The following KIF26B variants were observed in gnomAD, a reference collection of about 807,000 sequenced individuals.
KIF26B encodes the protein kinesin-like protein KIF26B.
Under a neutral mutation model 151.2 loss-of-function variants are expected in KIF26B, and 63 were observed. That is an observed-to-expected ratio of 0.42 (90% CI 0.34 to 0.51). The LOEUF is 0.51. Ranked by LOEUF, KIF26B falls within the 20% of genes least tolerant of loss-of-function variation. The pLI, the probability that KIF26B is intolerant of heterozygous loss-of-function variation, is 0.07. For missense variants in KIF26B, 2,813 were observed against 2,913.6 expected (o/e 0.97, Z 0.79); for synonymous variants, 1,357 against 1,262.1 (o/e 1.08, Z -1.59).
chr1:245,230,162 A>AG (rs1467694703), intron 2 of KIF26B, among the ~76,000 whole-genome samples: 1 of 151,854 alleles, frequency 6.6e-6, no homozygotes, highest in African/African-American at 2.4e-5. Flanking sequence ...AGCAAAAAAA[A>AG]AAAAACAACA....
At chr1:245,238,890 A>G (rs1670162437) in intron 2 of KIF26B, among the ~76,000 whole-genome samples, 1 of 152,044 alleles carries the variant, frequency 6.6e-6, no homozygotes, top group African/African-American at 2.4e-5. Context: ...AAAAACCCCA[A>G]TTGATCTAAA....
Position 245,687,273 on chromosome 1 carries a change from T to C in KIF26B, c.4290T>C (p.Ser1430=), listed in dbSNP as rs886910888. The C allele has an allele frequency of 1.2e-6, 2 of 1,608,964 alleles. No homozygotes were observed. The highest frequency in any genetic ancestry group is 1.7e-6 in the Non-Finnish European group (2 of 1,178,800). ...LAQSRESKEN[S]AKKEMKFEDP... Reference sequence around the variant, plus strand: ...AGTCCCGGGAGAGTAAGGAAAACAGTGCAAAGAAAGAGATGAAATTTGAGG... The same window carrying C: ...AGTCCCGGGAGAGTAAGGAAAACAGCGCAAAGAAAGAGATGAAATTTGAGG... Residue 1430 remains serine, a synonymous_variant, in exon 12 of 15, where the codon AGT becomes AGC. Transcript: ENST00000407071. This position sits in a 1 kb window ranked among gnomAD's most constrained non-coding sequence, Gnocchi z 4.9.
chr1:245,301,660 C>G lies in KIF26B; in HGVS notation c.466-65174C>G, dbSNP rs142367968. Among the ~76,000 whole-genome samples, 606 of 152,262 alleles carry G rather than the reference C, an allele frequency of 4.0e-3. 6 individuals carry two copies. The highest frequency in any genetic ancestry group is 0.014 in the African/African-American group (580 of 41,538). On this transcript the variant is annotated intron_variant, in intron 2 of 14. Transcript: ENST00000407071. ...GATGGGCTTTGTTCTCTGAAGCCCGCATCAGAGAGCTCTTCAGAAGAGAGG... is the reference window on the plus strand; with the variant it reads ...GATGGGCTTTGTTCTCTGAAGCCCGGATCAGAGAGCTCTTCAGAAGAGAGG...
chr1:245,386,869 G>A (rs890300955), intron 3 of KIF26B, among the ~76,000 whole-genome samples: 3 of 152,114 alleles, frequency 2.0e-5, no homozygotes, highest in East Asian at 1.9e-4. Context: ...ACGTGCCAGC[G>A]GGGAGTAAAG....
chr1:245,184,044 G>GTTTTTTTTTTTTTTTTTTTTTTTTTT, intron 2 of KIF26B, among the ~76,000 whole-genome samples: 1 of 3,466 alleles, frequency 2.9e-4, no homozygotes, highest in East Asian at 7.8e-3. Flanking sequence ...ATGGGTGGGA[G>GTTTTTTTTTTTTTTTTTTTTTTTTTT]TTGTTGTTTT....
At chr1:245,586,754 CG>C (rs372069735) in intron 5 of KIF26B, among the ~76,000 whole-genome samples, 1,608 of 151,854 alleles carry the variant, frequency 0.011, 25 homozygotes, top group African/African-American at 0.036. Flanking sequence ...GGCGCGGTGG[CG>C]GGCGCCTGTA....
At position 245,560,537 on chromosome 1, in the gene KIF26B, GA is replaced by G. The variant is rs1450798158; in HGVS notation, c.1350+19595del. Among the ~76,000 whole-genome samples, 1 of 151,812 alleles carries G rather than the reference GA, an allele frequency of 6.6e-6. No homozygotes were observed. The highest frequency in any genetic ancestry group is 1.5e-5 in the Non-Finnish European group (1 of 67,962). The stretch of plus-strand genomic sequence containing the variant: ...ATACTCTCGGTTCCTAATTATGTTA[GA>G]AAAAAAAGCAAAGCGGGAACTTGGC... On this transcript the variant is annotated intron_variant, in intron 5 of 14. Transcript: ENST00000407071. This position sits in a 1 kb window ranked among gnomAD's most constrained non-coding sequence, Gnocchi z 4.3.
intron 2 of KIF26B, among the ~76,000 whole-genome samples, chr1:245,199,722 A>G (rs1186217799): frequency 1.3e-5 from 2 of 151,984 alleles, no homozygotes; most frequent in East Asian, 3.9e-4. Flanking sequence ...GGCCTTAAGA[A>G]ATCTGTCTGC....
At chr1:245,337,486 AT>A (rs1162062816) in intron 2 of KIF26B, among the ~76,000 whole-genome samples, 1 of 151,154 alleles carries the variant, frequency 6.6e-6, no homozygotes, top group Non-Finnish European at 1.5e-5. Flanking sequence ...CTGGCCATTC[AT>A]TTAGCCTGGT....
rs186583666 is a variant in KIF26B at position 245,656,956 on chromosome 1, C to T, written c.2258+10676C>T. On this transcript the variant is annotated intron_variant, in intron 10 of 14. Coordinates refer to ENST00000407071, the MANE Select transcript of KIF26B (RefSeq NM_018012.4). ...GTACCTAGTAATTTTGTAACTAAAA[C>T]AGAGCTGAATTTCATTTTGATATAA... Among the ~76,000 whole-genome samples the T allele has an allele frequency of 1.3e-3, 202 of 152,222 alleles. 1 individual carries two copies. The highest frequency in any genetic ancestry group is 0.01 in the Middle Eastern group (3 of 294).
intron 9 of KIF26B, among the ~76,000 whole-genome samples, chr1:245,636,505 A>G (rs2043835686): frequency 6.6e-6 from 1 of 152,114 alleles, no homozygotes; most frequent in Admixed American, 6.6e-5. Context: ...TGGGATATTC[A>G]TCACCTCAAA....
chr1:245,436,477 A>G (rs527320826), intron 4 of KIF26B, among the ~76,000 whole-genome samples: 2 of 152,328 alleles, frequency 1.3e-5, no homozygotes, highest in East Asian at 3.9e-4. Context: ...GTGCAAAGCT[A>G]AAGAGCTGAC....
At chr1:245,580,406 A>T (rs572882705) in intron 5 of KIF26B, among the ~76,000 whole-genome samples, 12 of 152,334 alleles carry the variant, frequency 7.9e-5, no homozygotes, top group South Asian at 6.2e-4. Context: ...CCACACTTAG[A>T]TCGGGACTAT....
At chr1:245,660,510 A>T (rs889428545) in intron 10 of KIF26B, among the ~76,000 whole-genome samples, 6 of 150,216 alleles carry the variant, frequency 4.0e-5, no homozygotes, top group South Asian at 4.2e-4. Context: ...GTTAATTTTT[A>T]AAAATTTTTT....
In KIF26B at chr1:245,156,501, A is replaced by G. The variant is rs1020746679; in HGVS notation, c.283A>G (p.Ser95Gly). ...ACCCGCCTCCCCCGGCATCGGCACT[A>G]GTTCGCCGGGCTCCTTGGGCGGCTC... The part of the protein sequence containing the change: ...PGPASPGIGT[S>G]SPGSLGGSPG... Residue 95 changes from serine (S) to glycine (G), a missense_variant, in exon 2 of 15, where the codon AGT becomes GGT. Physicochemically the swap from Ser to Gly is moderately conservative, Grantham distance 56. Coordinates refer to ENST00000407071, the MANE Select transcript of KIF26B (RefSeq NM_018012.4). The G allele has an allele frequency of 7.9e-6, 12 of 1,527,392 alleles. No individual in the cohort carries two copies. The highest frequency in any genetic ancestry group is 1.1e-5 in the Non-Finnish European group (12 of 1,140,474). 94.6% of individuals were successfully genotyped at this position (1,527,392 alleles called of 1,614,324 possible).
Position 245,647,904 on chromosome 1 carries a change from G to A in KIF26B, c.2258+1624G>A, listed in dbSNP as rs139640709. On this transcript the variant is annotated intron_variant, in intron 10 of 14. Transcript: ENST00000407071. ...GGATAAACCCAGAAATGGTTTTCCC[G>A]GCTCTTGTAACAACCCTTTTCTATG... Among the ~76,000 whole-genome samples, 999 of 152,206 alleles carry A rather than the reference G, an allele frequency of 6.6e-3. 16 individuals carry two copies. Among genetic ancestry groups the A allele is most frequent in the African/African-American group, 0.023 (950 of 41,518 alleles).
At chr1:245,666,432 A>T (rs1258174654) in intron 10 of KIF26B, among the ~76,000 whole-genome samples, 3 of 152,196 alleles carry the variant, frequency 2.0e-5, no homozygotes, top group African/African-American at 7.2e-5. Flanking sequence ...GGTGATAGGC[A>T]TACACTGAGA....
At chr1:245,223,566 A>T (rs1394485153) in intron 2 of KIF26B, among the ~76,000 whole-genome samples, 1 of 152,200 alleles carries the variant, frequency 6.6e-6, no homozygotes, top group Admixed American at 6.5e-5. Flanking sequence ...CCACCATAGA[A>T]AAAAGTTAGA....
At chr1:245,319,143 A>T (rs1671836202) in intron 2 of KIF26B, among the ~76,000 whole-genome samples, 1 of 152,202 alleles carries the variant, frequency 6.6e-6, no homozygotes, top group South Asian at 2.1e-4. Flanking sequence ...GCAAAACACA[A>T]GCTGAACAAA....
Sources: gnomAD v4.1 joint callset for allele counts (sites outside exome capture counted in the v4.1 genomes callset) on GRCh38, gnomAD v4.1.1 for gene constraint, Gnocchi (gnomAD v3.1) non-coding constraint, MANE v1.5 for transcripts, NCBI Gene and HGNC (gene_info 2026-07-23, HGNC 2026-07-21) for gene names.